The following HADHA variants were observed in gnomAD, a reference collection of about 807,000 sequenced individuals.
HADHA encodes the protein trifunctional enzyme subunit alpha, mitochondrial.
A neutral mutation model predicts 91.3 loss-of-function variants in HADHA; 59 were observed. The ratio of observed to expected loss-of-function variants is 0.65; its 90% CI spans 0.52 to 0.80. The LOEUF (loss-of-function observed/expected upper bound fraction) is 0.80. Ranked by LOEUF, HADHA falls within the 30% of genes least tolerant of loss-of-function variation. The pLI is 0.00. For synonymous variants in HADHA, 320 were observed against 338.9 expected, an observed-to-expected ratio of 0.94 and a Z score of 0.61; for missense variants, 800 against 927.6, an observed-to-expected ratio of 0.86 and a Z score of 1.79.
In HADHA at chr2:26,201,209, C is replaced by T. The variant is rs1669824778; in HGVS notation, c.1332G>A (p.Val444=). The part of the protein sequence containing the change: ...DYQGFEKADM[V]IEAVFEDLSL... Reference sequence around the variant, plus strand: ...TAAGGTCCTCAAACACAGCTTCAATCACCATGTCGGCCTTTTCAAAACCTT... The same window carrying T: ...TAAGGTCCTCAAACACAGCTTCAATTACCATGTCGGCCTTTTCAAAACCTT... The change falls in exon 13 of 20, where the codon GTG becomes GTA. Residue 444 remains valine, a synonymous_variant. Coordinates refer to ENST00000380649, the MANE Select transcript of HADHA (RefSeq NM_000182.5). 3 of 1,613,822 alleles carry T rather than the reference C, an allele frequency of 1.9e-6. No individual in the cohort carries two copies. The highest frequency in any genetic ancestry group is 1.3e-5 in the African/African-American group (1 of 74,950).
chr2:26,219,130 A>T (rs1413993149), intron 7 of HADHA, among the ~76,000 whole-genome samples: 1 of 151,610 alleles, frequency 6.6e-6, no homozygotes, highest in Non-Finnish European at 1.5e-5. Flanking sequence ...GAAGACAAAA[A>T]ATATATATAT....
chr2:26,231,503 C>T (rs1036691170), intron 6 of HADHA, among the ~76,000 whole-genome samples: 33 of 152,174 alleles, frequency 2.2e-4, no homozygotes, highest in African/African-American at 7.7e-4. Flanking sequence ...AAAGGTCTGC[C>T]TCTTATATTT....
At chr2:26,244,002 G>C (rs879776119) in intron 1 of HADHA, among the ~76,000 whole-genome samples, 1 of 152,248 alleles carries the variant, frequency 6.6e-6, no homozygotes, top group Non-Finnish European at 1.5e-5. Flanking sequence ...TGCAAGAGTT[G>C]AGCTCCCTAC....
At position 26,214,238 on chromosome 2, in the gene HADHA, GT is replaced by G. The variant is rs1388348590; in HGVS notation, c.918+204del. Among the ~76,000 whole-genome samples, 1 of 152,174 alleles carries G rather than the reference GT, an allele frequency of 6.6e-6. No individual in the cohort carries two copies. ...TTTAACTGCATCAATCAATGAGTAA[GT>G]CCAGCACTGATTTTCCCCAAATATA... On this transcript the variant is annotated intron_variant, in intron 9 of 19. Coordinates refer to ENST00000380649, the MANE Select transcript of HADHA (RefSeq NM_000182.5). This position sits in a 1 kb window ranked among gnomAD's most constrained non-coding sequence, Gnocchi z 4.1.
chr2:26,198,875 C>T (rs1045506256), intron 13 of HADHA, among the ~76,000 whole-genome samples: 49 of 151,754 alleles, frequency 3.2e-4, no homozygotes, highest in Non-Finnish European at 1.0e-4. Context: ...CATAGTGAGA[C>T]CCTATATCTA....
rs779257948 is a variant in HADHA, at chr2:26,234,202, T to G, written c.453+15A>C. The G allele has an allele frequency of 6.2e-7, 1 of 1,612,118 alleles. No individual in the cohort carries two copies. The highest frequency in any genetic ancestry group is 8.5e-7 in the Non-Finnish European group (1 of 1,178,168). On this transcript the variant is annotated intron_variant, in intron 5 of 19. Transcript: ENST00000380649. ...TGAGTTGGACAGTGTCTCAATAACT[T>G]TAGAATATCTATACCTCAAGTCCTC...
intron 7 of HADHA, among the ~76,000 whole-genome samples, chr2:26,219,777 G>T (rs1232962879): frequency 6.6e-6 from 1 of 152,220 alleles, no homozygotes; most frequent in African/African-American, 2.4e-5. Flanking sequence ...GAGACCTATA[G>T]CATTGGGTGG....
rs755510076 is a variant in HADHA, at chr2:26,230,311, G to C, written c.574-17C>G. ...CACACCCACCTAACAGGCAAGCAAG[G>C]ATGAGAATATAGGGGGAAAAAAATC... On this transcript the variant is annotated splice_polypyrimidine_tract_variant and intron_variant, in intron 6 of 19. Coordinates refer to ENST00000380649, the MANE Select transcript of HADHA (RefSeq NM_000182.5). 1.4e-6 allele frequency: 2 copies of C among 1,479,328 alleles called. No homozygotes were observed. The highest frequency in any genetic ancestry group is 3.3e-5 in the Admixed American group (2 of 59,818). 91.6% of individuals were successfully genotyped at this position (1,479,328 alleles called of 1,614,324 possible).
chr2:26,239,325 T>C (rs1002150861), intron 1 of HADHA, among the ~76,000 whole-genome samples, 182 bp from the exon 2 acceptor site: 1 of 152,194 alleles, frequency 6.6e-6, no homozygotes, highest in African/African-American at 2.4e-5. Context: ...AGATGATTAT[T>C]TGGATACTAA....
intron 7 of HADHA, 55 bp from the exon 8 acceptor site, chr2:26,215,230 T>C: frequency 3.2e-6 from 5 of 1,585,152 alleles, no homozygotes; most frequent in Non-Finnish European, 4.3e-6. Context: ...CAGTCCCAGG[T>C]AGTGAAAAAC....
intron 13 of HADHA, among the ~76,000 whole-genome samples, 196 bp downstream of exon 13, chr2:26,200,953 C>T (rs1371273807): frequency 2.6e-5 from 4 of 152,038 alleles, no homozygotes; most frequent in Non-Finnish European, 5.9e-5. Context: ...AGTCTGGTCT[C>T]GAACTCCTTA....
chr2:26,213,197 A>G (rs145556512), intron 9 of HADHA, among the ~76,000 whole-genome samples: 3 of 152,346 alleles, frequency 2.0e-5, no homozygotes, highest in Admixed American at 6.5e-5. Context: ...TGAACTCAAT[A>G]TATCTGAACC....
At chr2:26,244,414 G>A in intron 1 of HADHA, 116 bp downstream of exon 1, 1 of 1,026,940 alleles carries the variant, frequency 9.7e-7, no homozygotes, top group Non-Finnish European at 1.5e-6. Context: ...CCCCACAGAG[G>A]GCTGCGTCTC....
chr2:26,218,899 C>T (rs1670300796), intron 7 of HADHA, among the ~76,000 whole-genome samples: 1 of 147,512 alleles, frequency 6.8e-6, no homozygotes, highest in South Asian at 2.1e-4. Flanking sequence ...CCCAGCTACT[C>T]AGGAGGCTGA....
chr2:26,194,031 G>T lies in HADHA; in HGVS notation c.1690-259C>A, dbSNP rs78408913. Among the ~76,000 whole-genome samples, 2,710 of 152,292 alleles carry T rather than the reference G, an allele frequency of 0.018. 96 individuals are homozygous for T. Among genetic ancestry groups the T allele is most frequent in the African/African-American group, 0.062 (2,589 of 41,540 alleles). ...TAAATTCTTCATTTTCTTCTTGTTT[G>T]CATTTCTGAATCTCAATAATAAGGA... On this transcript the variant is annotated intron_variant, in intron 16 of 19. Coordinates refer to ENST00000380649, the MANE Select transcript of HADHA (RefSeq NM_000182.5).
intron 3 of HADHA, among the ~76,000 whole-genome samples, chr2:26,238,599 C>T (rs967016590): frequency 1.3e-5 from 2 of 152,178 alleles, no homozygotes; most frequent in Non-Finnish European, 2.9e-5. Flanking sequence ...GGATTAACAA[C>T]CTCATATTTA....
At chr2:26,192,111 T>C (rs1445294037) in intron 18 of HADHA, among the ~76,000 whole-genome samples, 199 bp downstream of exon 18, 2 of 151,434 alleles carry the variant, frequency 1.3e-5, no homozygotes, top group Non-Finnish European at 2.9e-5. Context: ...GCATCAGGAG[T>C]GGTCCTCCTG....
chr2:26,232,902 A>G (rs1430177125), intron 5 of HADHA, among the ~76,000 whole-genome samples: 1 of 146,748 alleles, frequency 6.8e-6, no homozygotes, highest in Non-Finnish European at 1.5e-5. Flanking sequence ...CTCCTAGTCC[A>G]GCAGTCCCCA....
At position 26,221,742 on chromosome 2, in the gene HADHA, C is replaced by A. The variant is rs756223675; in HGVS notation, c.677-6567G>T. Among the ~76,000 whole-genome samples the A allele has an allele frequency of 6.6e-6, 1 of 152,164 alleles. No homozygotes were observed. The highest frequency in any genetic ancestry group is 2.4e-5 in the African/African-American group (1 of 41,446). Reference sequence around the variant, plus strand: ...GGTTTGTAGATATTTCTGTGTGATACGCAGGTACCACCTGGAAGTGCACAG... The same window carrying A: ...GGTTTGTAGATATTTCTGTGTGATAAGCAGGTACCACCTGGAAGTGCACAG... On this transcript the variant is annotated intron_variant, in intron 7 of 19. Coordinates refer to ENST00000380649, the MANE Select transcript of HADHA (RefSeq NM_000182.5). This position sits in a 1 kb window ranked among gnomAD's most constrained non-coding sequence, Gnocchi z 4.8.
Sources: gnomAD v4.1 joint callset for allele counts (sites outside exome capture counted in the v4.1 genomes callset) on GRCh38, gnomAD v4.1.1 for gene constraint, Gnocchi (gnomAD v3.1) non-coding constraint, MANE v1.5 for transcripts, NCBI Gene and HGNC (gene_info 2026-07-23, HGNC 2026-07-21) for gene names.